XRCC5: variants seen among roughly 807,000 people sequenced by gnomAD.
XRCC5 encodes X-ray repair cross complementing 5, also known as DNA repair protein Ku80.
Under a neutral mutation model 95.7 loss-of-function variants are expected in XRCC5, and 12 were observed. The observed-to-expected ratio is 0.13, with a 90% CI of 0.08 to 0.20. The LOEUF is 0.20. Ranked by LOEUF, XRCC5 falls within the 10% of genes least tolerant of loss-of-function variation. XRCC5 has a pLI of 1.00. For synonymous variants in XRCC5, 281 were observed against 290.3 expected, an observed-to-expected ratio of 0.97 and a Z score of 0.33; for missense variants, 595 against 873.9, an observed-to-expected ratio of 0.68 and a Z score of 4.02.
intron 10 of XRCC5, among the ~76,000 whole-genome samples, chr2:216,134,822 G>C (rs1429601717): frequency 6.6e-6 from 1 of 152,142 alleles, no homozygotes; most frequent in East Asian, 1.9e-4. Context: ...CTCTTCCTCA[G>C]ATTCTCATTG....
chr2:216,193,970 GC>G (rs1462111763), intron 18 of XRCC5, among the ~76,000 whole-genome samples: 2 of 152,272 alleles, frequency 1.3e-5, no homozygotes, highest in African/African-American at 4.8e-5. Context: ...TGATAGACAT[GC>G]CCCTTGGTGA....
At chr2:216,167,590 G>T (rs999371098) in intron 16 of XRCC5, among the ~76,000 whole-genome samples, 1 of 147,916 alleles carries the variant, frequency 6.8e-6, no homozygotes, top group African/African-American at 2.5e-5. Context: ...GTGTGTGTGT[G>T]TGTGTGTGTG....
At chr2:216,173,465 A>G (rs60867226) in intron 16 of XRCC5, among the ~76,000 whole-genome samples, 5,979 of 152,294 alleles carry the variant, frequency 0.039, 399 homozygotes, top group African/African-American at 0.14. Context: ...TTCTGCCTCT[A>G]TTGAGATGAC....
chr2:216,152,643 TTTC>T (rs2106021980), intron 14 of XRCC5, among the ~76,000 whole-genome samples: 1 of 151,476 alleles, frequency 6.6e-6, no homozygotes, highest in African/African-American at 2.4e-5. Context: ...GATCCTTTTT[TTTC>T]TTGTTTTTTT....
chr2:216,180,020 T>G (rs1438332090), intron 16 of XRCC5, among the ~76,000 whole-genome samples: 1 of 152,168 alleles, frequency 6.6e-6, no homozygotes, highest in African/African-American at 2.4e-5. Context: ...AGAGAAAAAG[T>G]TTAAAAATAA....
At chr2:216,198,533 T>TTTTATTTATTTATTTA (rs3080564) in intron 19 of XRCC5, among the ~76,000 whole-genome samples, 7 of 147,774 alleles carry the variant, frequency 4.7e-5, no homozygotes, top group East Asian at 4.0e-4. Flanking sequence ...TGAAAAATGC[T>TTTTATTTATTTATTTA]TTTATTTATT....
chr2:216,161,959 C>A lies in XRCC5; in HGVS notation c.1765-20C>A, dbSNP rs759480009. ...AAAGAGAAATAACCTGTAGGTTTAT[C>A]ATCTGTTGGTATATTTTAGGTTGGA... On this transcript the variant is annotated intron_variant, in intron 15 of 20. Transcript: ENST00000392132. 2 of 1,611,158 alleles carry A rather than the reference C, an allele frequency of 1.2e-6. No homozygotes were observed. Among genetic ancestry groups the A allele is most frequent in the Non-Finnish European group, 1.7e-6 (2 of 1,177,384 alleles).
At chr2:216,111,589 T>C (rs143599461) in intron 1 of XRCC5, among the ~76,000 whole-genome samples, 1 of 152,330 alleles carries the variant, frequency 6.6e-6, no homozygotes, top group East Asian at 1.9e-4. Flanking sequence ...TCATCTGACT[T>C]AAATATCTAG....
intron 1 of XRCC5, among the ~76,000 whole-genome samples, chr2:216,111,588 T>C (rs1365657192): frequency 1.3e-5 from 2 of 152,188 alleles, no homozygotes; most frequent in East Asian, 3.8e-4. Flanking sequence ...CTCATCTGAC[T>C]TAAATATCTA....
intron 13 of XRCC5, among the ~76,000 whole-genome samples, chr2:216,143,936 G>A (rs1697211409): frequency 6.6e-6 from 1 of 151,344 alleles, no homozygotes; most frequent in African/African-American, 2.4e-5. Context: ...GGATAGTCTC[G>A]ATCTCCTGAC....
intron 12 of XRCC5, among the ~76,000 whole-genome samples, chr2:216,140,493 T>A (rs1472294102): frequency 1.3e-5 from 2 of 152,192 alleles, no homozygotes; most frequent in African/African-American, 4.8e-5. Context: ...CTGAGTAGAT[T>A]TTTATTGAGG....
chr2:216,118,936 C>A, intron 4 of XRCC5, 107 bp from the exon 5 acceptor site: 1 of 1,177,094 alleles, frequency 8.5e-7, no homozygotes, highest in Non-Finnish European at 1.2e-6. Context: ...CATTTATTAA[C>A]TCTAGATCCA....
chr2:216,124,158 A>C (rs762075554), intron 6 of XRCC5, among the ~76,000 whole-genome samples: 4 of 152,236 alleles, frequency 2.6e-5, no homozygotes, highest in Non-Finnish European at 4.4e-5. Context: ...ACTGGACAGC[A>C]CTGGACTAGA....
At chr2:216,176,330 G>T (rs1161988680) in intron 16 of XRCC5, among the ~76,000 whole-genome samples, 2 of 152,090 alleles carry the variant, frequency 1.3e-5, no homozygotes, top group Admixed American at 1.3e-4. Context: ...TATTGGCTAG[G>T]TTGGTCTCGA....
rs2106048553 is a variant in XRCC5, at chr2:216,192,750, G to A, written c.2041+15G>A. 1 of 1,528,402 alleles carries A rather than the reference G, an allele frequency of 6.5e-7. No individual in the cohort carries two copies. 94.7% of individuals were successfully genotyped at this position (1,528,402 alleles called of 1,614,324 possible). ...TGTTGTCCAGGGTAAGTTGTCATTTGCCTTTTTTTTTAAAAAGTATTTTTA... is the reference window on the plus strand; with the variant it reads ...TGTTGTCCAGGGTAAGTTGTCATTTACCTTTTTTTTTAAAAAGTATTTTTA... On this transcript the variant is annotated intron_variant, in intron 18 of 20. Coordinates refer to ENST00000392132, the MANE Select transcript of XRCC5 (RefSeq NM_021141.4).
chr2:216,161,926 G>A, intron 15 of XRCC5, 53 bp from the exon 16 acceptor site: 1 of 1,488,162 alleles, frequency 6.7e-7, no homozygotes. Context: ...TGCCTGGGGT[G>A]CTGCTAAAAA....
chr2:216,134,317 G>A (rs930347791), intron 10 of XRCC5, among the ~76,000 whole-genome samples: 1 of 152,142 alleles, frequency 6.6e-6, no homozygotes. Flanking sequence ...AGAAAACAAG[G>A]AGGGAAAAGA....
chr2:216,133,523 A>G (rs963130533), intron 10 of XRCC5, among the ~76,000 whole-genome samples: 2 of 152,224 alleles, frequency 1.3e-5, no homozygotes, highest in African/African-American at 2.4e-5. Context: ...TGCAAAGAAC[A>G]TTCTGATCAC....
chr2:216,130,672 C>T, intron 8 of XRCC5: 1 of 470,744 alleles, frequency 2.1e-6, no homozygotes, highest in South Asian at 4.2e-5. Flanking sequence ...TTTTAATCAT[C>T]TCTATATTGT....
Sources: gnomAD v4.1 joint callset for allele counts (sites outside exome capture counted in the v4.1 genomes callset) on GRCh38, gnomAD v4.1.1 for gene constraint, MANE v1.5 for transcripts, NCBI Gene and HGNC (gene_info 2026-07-23, HGNC 2026-07-21) for gene names.